IQUB: variants seen among roughly 807,000 people sequenced by gnomAD.
IQUB encodes the protein IQ motif and ubiquitin domain containing.
IQUB carries 86 observed loss-of-function variants against 86.4 expected under a neutral mutation model. The observed-to-expected ratio is 1.00, with a 90% confidence interval of 0.84 to 1.19. The LOEUF is 1.19. Ranked by LOEUF, IQUB falls within the 50% of genes most tolerant of loss-of-function variation. IQUB has a pLI of 0.00. For synonymous variants in IQUB, 289 were observed against 304.5 expected (o/e 0.95, Z 0.53); for missense variants, 946 against 916.9 (o/e 1.03, Z -0.41).
Position 123,461,471 on chromosome 7 carries a change from AAGGTTAATGCAGTT to A in IQUB, c.1879_1892del (p.Asn627SerfsTer3). ...ATTCTCGTTTTTGAGCCTCATTCTGAAGGTTAATGCAGTTACGACACCGGTATATGCGGCGTGAG... is the reference window on the plus strand; with the variant it reads ...ATTCTCGTTTTTGAGCCTCATTCTGAACGACACCGGTATATGCGGCGTGAG... On this transcript the variant is annotated frameshift_variant, in exon 11 of 13. Coordinates refer to ENST00000324698, the MANE Select transcript of IQUB (RefSeq NM_178827.5). LOFTEE classifies it high-confidence loss of function. The A allele has an allele frequency of 6.2e-7, 1 of 1,612,490 alleles. No homozygotes were observed. Among genetic ancestry groups the A allele is most frequent in the African/African-American group, 1.3e-5 (1 of 74,904 alleles).
intron 7 of IQUB, among the ~76,000 whole-genome samples, chr7:123,488,574 C>T (rs530825085): frequency 3.3e-5 from 5 of 152,178 alleles, no homozygotes; most frequent in Admixed American, 2.6e-4. Flanking sequence ...CGTAAGAAAA[C>T]GTGACTGAGT....
In IQUB at chr7:123,530,265, G is replaced by A. The variant is rs552294542; in HGVS notation, c.-5+4227C>T. Among the ~76,000 whole-genome samples the A allele has an allele frequency of 3.3e-5, 5 of 151,052 alleles. No homozygotes were observed. In the South Asian group the frequency reaches 8.4e-4, roughly 25 times the overall value. On this transcript the variant is annotated intron_variant, in intron 1 of 12. Coordinates refer to ENST00000324698, the MANE Select transcript of IQUB (RefSeq NM_178827.5). ...ATCCCGGCCAACATGGTGAAACCCCGTCTCTACTAAAATACAAAAAATTAG... is the reference window on the plus strand; with the variant it reads ...ATCCCGGCCAACATGGTGAAACCCCATCTCTACTAAAATACAAAAAATTAG...
At chr7:123,464,658 A>ATTTACCAACATAACAAAGTTG (rs1218544318) in intron 10 of IQUB, among the ~76,000 whole-genome samples, 175 bp downstream of exon 10, 1 of 151,946 alleles carries the variant, frequency 6.6e-6, no homozygotes, top group African/African-American at 2.4e-5. Context: ...AAGTCAAATG[A>ATTTACCAACATAACAAAGTTG]GTAAGTTTAA....
Position 123,452,680 on chromosome 7 carries a change from C to A in IQUB, c.*63G>T. 1 of 1,069,288 alleles carries A rather than the reference C, an allele frequency of 9.4e-7. No individual in the cohort carries two copies. Among genetic ancestry groups the A allele is most frequent in the Non-Finnish European group, 1.3e-6 (1 of 742,204 alleles). 66.2% of individuals were successfully genotyped at this position (1,069,288 alleles called of 1,614,324 possible). On this transcript the variant is annotated 3_prime_UTR_variant, in exon 13 of 13. Transcript: ENST00000324698. ...AAATTCCATTTCCATACTCTGTGACCTCTGTATTACCCTATTAGCAGTGAA... is the reference window on the plus strand; with the variant it reads ...AAATTCCATTTCCATACTCTGTGACATCTGTATTACCCTATTAGCAGTGAA...
chr7:123,524,311 C>T (rs1479365123), intron 1 of IQUB, among the ~76,000 whole-genome samples: 29 of 143,220 alleles, frequency 2.0e-4, no homozygotes, highest in Non-Finnish European at 3.1e-4. Context: ...GCCATTTTCA[C>T]GATATTGATT....
At chr7:123,501,390 T>C (rs985466535) in intron 6 of IQUB, 1 of 152,260 alleles carries the variant, frequency 6.6e-6, no homozygotes, top group Non-Finnish European at 1.5e-5. Flanking sequence ...TAACAGGCAC[T>C]AATCAGGTCA....
intron 6 of IQUB, 71 bp from the exon 7 acceptor site, chr7:123,496,977 T>A (rs1795733396): frequency 3.3e-6 from 3 of 905,596 alleles, no homozygotes; most frequent in Non-Finnish European, 4.9e-6. Flanking sequence ...AAGGCAATGA[T>A]GATTATTTCA....
At chr7:123,520,233 T>C (rs1414062751) in intron 1 of IQUB, among the ~76,000 whole-genome samples, 1 of 152,190 alleles carries the variant, frequency 6.6e-6, no homozygotes, top group Non-Finnish European at 1.5e-5. Flanking sequence ...AAGCTTTTTT[T>C]ACTGCAGGGA....
chr7:123,490,850 G>T (rs1795424402), intron 7 of IQUB, among the ~76,000 whole-genome samples: 1 of 152,030 alleles, frequency 6.6e-6, no homozygotes, highest in Non-Finnish European at 1.5e-5. Context: ...TGTAATCCCA[G>T]CTACTCAGGA....
chr7:123,452,670 A>T lies in IQUB; in HGVS notation c.*73T>A. ...TAAACAGATTAAATTCCATTTCCAT[A>T]CTCTGTGACCTCTGTATTACCCTAT... On this transcript the variant is annotated 3_prime_UTR_variant, in exon 13 of 13. Transcript: ENST00000324698. 1 of 932,992 alleles carries T rather than the reference A, an allele frequency of 1.1e-6. No homozygotes were observed. The highest frequency in any genetic ancestry group is 1.6e-6 in the Non-Finnish European group (1 of 643,238). The allele number at this position is 932,992 out of a possible 1,614,324, so 57.8% of individuals were successfully genotyped here. A position where few individuals can be genotyped will look rare whatever the true frequency, so the allele number is the denominator to read the frequency against.
At chr7:123,499,710 G>T (rs1795856098) in intron 6 of IQUB, among the ~76,000 whole-genome samples, 1 of 152,052 alleles carries the variant, frequency 6.6e-6, no homozygotes, top group Admixed American at 6.6e-5. Context: ...ATATGCACTT[G>T]GTATAAAAAA....
chr7:123,466,075 GTATATATATC>G (rs1416537237), intron 9 of IQUB, among the ~76,000 whole-genome samples: 1 of 151,874 alleles, frequency 6.6e-6, no homozygotes, highest in African/African-American at 2.4e-5. Flanking sequence ...ATATGTGTGT[GTATATATATC>G]TACATACATG....
chr7:123,458,439 C>T (rs1352314814), intron 11 of IQUB, among the ~76,000 whole-genome samples: 1 of 151,970 alleles, frequency 6.6e-6, no homozygotes, highest in African/African-American at 2.4e-5. Context: ...CTGTCATCAT[C>T]AGCTACAACA....
chr7:123,490,655 T>C (rs1433877831), intron 7 of IQUB, among the ~76,000 whole-genome samples: 2 of 152,086 alleles, frequency 1.3e-5, no homozygotes, highest in South Asian at 2.1e-4. Flanking sequence ...TTAAAATAAG[T>C]ATCAATAAAT....
Position 123,473,983 on chromosome 7 carries a change from TA to T in IQUB, c.1411-4600del, listed in dbSNP as rs1465084467. Reference sequence around the variant, plus strand: ...AAAATCTTTAGAGTTAGCCTTTTATTAAGAATGAGGACTTAGTATAGAGCCT... The same window carrying T: ...AAAATCTTTAGAGTTAGCCTTTTATTAGAATGAGGACTTAGTATAGAGCCT... On this transcript the variant is annotated intron_variant, in intron 8 of 12. Transcript: ENST00000324698. Among the ~76,000 whole-genome samples, 4 of 152,282 alleles carry T rather than the reference TA, an allele frequency of 2.6e-5. No individual in the cohort carries two copies. The East Asian group carries it at 7.7e-4, about 29-fold the overall frequency.
At chr7:123,485,575 G>A (rs1795184954) in intron 7 of IQUB, among the ~76,000 whole-genome samples, 1 of 152,070 alleles carries the variant, frequency 6.6e-6, no homozygotes, top group African/African-American at 2.4e-5. Flanking sequence ...CATCTTCCTA[G>A]ACAGACCACC....
At chr7:123,460,450 C>T (rs1793927214) in intron 11 of IQUB, among the ~76,000 whole-genome samples, 1 of 151,562 alleles carries the variant, frequency 6.6e-6, no homozygotes, top group Admixed American at 6.6e-5. Context: ...CATAGTAGTG[C>T]CTACTTTCCT....
chr7:123,527,550 G>A (rs1797297781), intron 1 of IQUB, among the ~76,000 whole-genome samples: 1 of 152,176 alleles, frequency 6.6e-6, no homozygotes, highest in Non-Finnish European at 1.5e-5. Flanking sequence ...ACCCTCGGCT[G>A]CAGGTCTGTT....
chr7:123,471,498 G>T (rs979979254), intron 8 of IQUB, among the ~76,000 whole-genome samples: 1 of 152,084 alleles, frequency 6.6e-6, no homozygotes, highest in Non-Finnish European at 1.5e-5. Context: ...CAGTAATTTG[G>T]ACAACACCTT....
Sources: allele counts gnomAD v4.1 joint callset (sites outside exome capture counted in the v4.1 genomes callset), GRCh38; gene constraint gnomAD v4.1.1; transcripts MANE v1.5; gene names NCBI Gene and HGNC (gene_info 2026-07-23, HGNC 2026-07-21).